Variants in IPMK observed in about 807,000 individuals in gnomAD.
IPMK encodes the protein inositol polyphosphate multikinase, also known as inositol 1,3,4,6-tetrakisphosphate 5-kinase.
Under a neutral mutation model 45.8 loss-of-function variants are expected in IPMK, and 17 were observed. The ratio of observed to expected loss-of-function variants is 0.37; its 90% CI spans 0.25 to 0.56. The LOEUF is 0.56. Among genes scored for constraint, IPMK ranks in the 20% least tolerant of loss-of-function variants. The probability of loss-of-function intolerance (pLI) is 0.79; values close to 1 mark genes in which losing one functional copy is unlikely to be tolerated. For synonymous variants in IPMK, 180 were observed against 184.3 expected (o/e 0.98, Z 0.19); for missense variants, 399 against 498.0 (o/e 0.80, Z 1.89).
chr10:58,246,967 A>G (rs1838810994), intron 1 of IPMK, among the ~76,000 whole-genome samples: 1 of 150,434 alleles, frequency 6.6e-6, no homozygotes, highest in Non-Finnish European at 1.5e-5. Flanking sequence ...AGAAAAAAAC[A>G]AACAACCCCA....
At chr10:58,197,227 G>A (rs1029831480) in intron 5 of IPMK, among the ~76,000 whole-genome samples, 7 of 151,790 alleles carry the variant, frequency 4.6e-5, no homozygotes, top group Non-Finnish European at 8.8e-5. Context: ...GTGAACCCGG[G>A]AGGTGGAGCT....
intron 4 of IPMK, among the ~76,000 whole-genome samples, chr10:58,208,149 C>T (rs923767105): frequency 1.3e-5 from 2 of 152,060 alleles, no homozygotes; most frequent in Non-Finnish European, 2.9e-5. Flanking sequence ...ACCATGTTAG[C>T]CAGGATGGTC....
intron 3 of IPMK, among the ~76,000 whole-genome samples, chr10:58,218,839 G>T (rs547201923): frequency 6.6e-6 from 1 of 152,208 alleles, no homozygotes; most frequent in South Asian, 2.1e-4. Flanking sequence ...CTTTTTGAAA[G>T]GAGGAAAATA....
chr10:58,222,742 C>T (rs190567353), intron 3 of IPMK, among the ~76,000 whole-genome samples: 48 of 152,252 alleles, frequency 3.2e-4, no homozygotes, highest in Non-Finnish European at 5.4e-4. Context: ...GAAAATACCA[C>T]GTGTTCAGAA....
intron 1 of IPMK, among the ~76,000 whole-genome samples, chr10:58,261,702 C>T (rs1839071061): frequency 6.6e-6 from 1 of 152,024 alleles, no homozygotes; most frequent in Non-Finnish European, 1.5e-5. Flanking sequence ...CCTGCCTCAG[C>T]CTCCTGAGTA....
At position 58,196,698 on chromosome 10, in the gene IPMK, C is replaced by T; in HGVS notation, c.629G>A (p.Gly210Glu). Residue 210 changes from glycine to glutamate, a missense_variant and splice_region_variant, in exon 6 of 6, where the codon GGA becomes GAA. Gly to Glu is a moderately conservative substitution (Grantham distance 98). Coordinates refer to ENST00000373935, the MANE Select transcript of IPMK (RefSeq NM_152230.5). ...CCCATTATGAAAAAATCTGGAGACT[C>T]CTATAAAAAGAAAAATATGAGCGTT... is the stretch of plus-strand genomic sequence containing the variant. Reference protein sequence around the residue: ...RSLTKETIKDGVSRFFHNGYC... With the variant: ...RSLTKETIKDEVSRFFHNGYC... 6.5e-7 allele frequency: 1 copy of T among 1,549,624 alleles called. No homozygotes were observed. The highest frequency in any genetic ancestry group is 2.3e-5 in the East Asian group (1 of 44,354).
intron 3 of IPMK, among the ~76,000 whole-genome samples, chr10:58,221,974 C>G (rs939365480): frequency 6.6e-6 from 1 of 152,152 alleles, no homozygotes; most frequent in Non-Finnish European, 1.5e-5. Flanking sequence ...GTCTTGAACT[C>G]CTGACCTCAG....
Position 58,267,816 on chromosome 10 carries a change from C to T in IPMK, c.-205G>A, listed in dbSNP as rs1286324802. On this transcript the variant is annotated 5_prime_UTR_variant, in exon 1 of 6. Coordinates refer to ENST00000373935, the MANE Select transcript of IPMK (RefSeq NM_152230.5). ...CCTCTGCCCAACTCTCGGCGGAACGCGGCTCCCGGCTCCTGTTCCTCTGCC... is the reference window on the plus strand; with the variant it reads ...CCTCTGCCCAACTCTCGGCGGAACGTGGCTCCCGGCTCCTGTTCCTCTGCC... 3 of 504,366 alleles carry T rather than the reference C, an allele frequency of 5.9e-6. No homozygotes were observed. Among genetic ancestry groups the T allele is most frequent in the African/African-American group, 2.1e-5 (1 of 48,688 alleles). The allele number at this position is 504,366 out of a possible 1,614,324, so 31.2% of individuals were successfully genotyped here.
intron 2 of IPMK, among the ~76,000 whole-genome samples, chr10:58,229,726 G>A (rs773022540): frequency 1.3e-5 from 2 of 151,720 alleles, no homozygotes; most frequent in African/African-American, 4.8e-5. Flanking sequence ...GAAAGAGGGG[G>A]GTGTTCCAAG....
rs1837961427 is a variant in IPMK at position 58,199,224 on chromosome 10, G to GT, written c.628+15dup. 3 of 1,533,820 alleles carry GT rather than the reference G, an allele frequency of 2.0e-6. No homozygotes were observed. Among genetic ancestry groups the GT allele is most frequent in the Non-Finnish European group, 2.7e-6 (3 of 1,117,168 alleles). ...TAACTGTTCAATCATAAAAGCATTA[G>GT]TTTTTTAGTCCTTACCATCCTTTAT... is the stretch of plus-strand genomic sequence containing the variant. On this transcript the variant is annotated intron_variant, in intron 5 of 5. Coordinates refer to ENST00000373935, the MANE Select transcript of IPMK (RefSeq NM_152230.5).
At chr10:58,230,039 C>T (rs1356561510) in intron 2 of IPMK, among the ~76,000 whole-genome samples, 4 of 152,214 alleles carry the variant, frequency 2.6e-5, no homozygotes, top group Admixed American at 6.5e-5. Context: ...CCCATGCCCA[C>T]GGAGCCTTGC....
At chr10:58,226,502 G>A (rs1838418109) in intron 3 of IPMK, among the ~76,000 whole-genome samples, 1 of 152,178 alleles carries the variant, frequency 6.6e-6, no homozygotes, top group South Asian at 2.1e-4. Flanking sequence ...TAATTAAATT[G>A]TATGTGTTTT....
At chr10:58,258,634 T>C (rs1839010106) in intron 1 of IPMK, among the ~76,000 whole-genome samples, 2 of 151,972 alleles carry the variant, frequency 1.3e-5, no homozygotes. Flanking sequence ...GGATCAAAAT[T>C]CACAATGGAA....
intron 1 of IPMK, among the ~76,000 whole-genome samples, chr10:58,246,964 A>T (rs1838810864): frequency 6.6e-6 from 1 of 150,534 alleles, no homozygotes; most frequent in African/African-American, 2.5e-5. Context: ...ACAAGAAAAA[A>T]ACAAACAACC....
chr10:58,222,463 T>C (rs1588958977), intron 3 of IPMK, among the ~76,000 whole-genome samples: 1 of 152,208 alleles, frequency 6.6e-6, no homozygotes, highest in Admixed American at 6.5e-5. Context: ...AGGACTCTTA[T>C]GAAGTGAGTC....
chr10:58,264,788 T>C (rs1349543727), intron 1 of IPMK, among the ~76,000 whole-genome samples: 1 of 152,164 alleles, frequency 6.6e-6, no homozygotes, highest in Non-Finnish European at 1.5e-5. Context: ...AAGTATACCG[T>C]AAGTGCAAAA....
chr10:58,213,673 G>A (rs1237940165), intron 4 of IPMK, among the ~76,000 whole-genome samples: 1 of 149,644 alleles, frequency 6.7e-6, no homozygotes, highest in Non-Finnish European at 1.5e-5. Context: ...GCGACAGAGC[G>A]AGACTCCGTC....
intron 3 of IPMK, among the ~76,000 whole-genome samples, chr10:58,222,023 A>G (rs1307201257): frequency 6.6e-6 from 1 of 152,156 alleles, no homozygotes; most frequent in Non-Finnish European, 1.5e-5. Flanking sequence ...TGCTGGGATT[A>G]CAGGCATTAG....
intron 3 of IPMK, among the ~76,000 whole-genome samples, chr10:58,220,248 T>C (rs1838311677): frequency 6.6e-6 from 1 of 151,576 alleles, no homozygotes; most frequent in Non-Finnish European, 1.5e-5. Flanking sequence ...GTTAAGTAAA[T>C]ATGCAGAGAG....
Sources: allele counts gnomAD v4.1 joint callset (sites outside exome capture counted in the v4.1 genomes callset), GRCh38; gene constraint gnomAD v4.1.1; transcripts MANE v1.5; gene names NCBI Gene and HGNC (gene_info 2026-07-23, HGNC 2026-07-21).